Variants in PARP12 observed in about 807,000 individuals in gnomAD.
PARP12 encodes poly(ADP-ribose) polymerase family member 12, also known as protein mono-ADP-ribosyltransferase PARP12.
In PARP12, 59 loss-of-function variants were observed where a neutral mutation model predicts 72.4. The observed-to-expected ratio is 0.81, with a 90% confidence interval of 0.66 to 1.01. The LOEUF (loss-of-function observed/expected upper bound fraction) is 1.01. PARP12 is among the 50% of genes least tolerant of loss of function. PARP12 has a pLI of 0.00. For synonymous variants in PARP12, 403 were observed against 371.4 expected (o/e 1.09, Z -0.98); for missense variants, 851 against 914.0 (o/e 0.93, Z 0.89).
chr7:140,047,912 G>C (rs559958782), intron 4 of PARP12, among the ~76,000 whole-genome samples: 1 of 152,134 alleles, frequency 6.6e-6, no homozygotes, highest in Non-Finnish European at 1.5e-5. Flanking sequence ...CACCACACCT[G>C]GCAATTTTTT....
At chr7:140,033,373 T>C (rs947581467) in intron 8 of PARP12, 3 of 985,200 alleles carry the variant, frequency 3.0e-6, no homozygotes, top group Admixed American at 6.2e-5. Flanking sequence ...AAAAGAGACA[T>C]TGTTGGTTCT....
chr7:140,058,080 C>T (rs1283017609), intron 1 of PARP12, 46 bp from the exon 2 acceptor site: 5 of 1,608,064 alleles, frequency 3.1e-6, no homozygotes, highest in Non-Finnish European at 4.3e-6. Context: ...TGAGTCTCCT[C>T]AAAATTTCTA....
chr7:140,046,575 T>C (rs1265020549), intron 5 of PARP12, among the ~76,000 whole-genome samples: 1 of 152,254 alleles, frequency 6.6e-6, no homozygotes, highest in Non-Finnish European at 1.5e-5. Context: ...GAGAACTTAA[T>C]ACTTGGTCTT....
chr7:140,025,423 C>T, intron 11 of PARP12: 2 of 327,528 alleles, frequency 6.1e-6, no homozygotes, highest in South Asian at 5.1e-5. Flanking sequence ...GCCATCGCTG[C>T]CTCAGACGGA....
chr7:140,047,594 CTTCT>C (rs759116747), intron 4 of PARP12, among the ~76,000 whole-genome samples: 3 of 152,234 alleles, frequency 2.0e-5, no homozygotes, highest in South Asian at 4.2e-4. Flanking sequence ...ATACATCTTC[CTTCT>C]TTATGTCTCA....
intron 4 of PARP12, among the ~76,000 whole-genome samples, chr7:140,051,198 G>A (rs62490144): frequency 0.08 from 12,202 of 152,002 alleles, 539 homozygotes; most frequent in Non-Finnish European, 0.1. Context: ...CATGGAAAAC[G>A]GAATTAAAAG....
At chr7:140,042,617 G>A (rs938597915) in intron 5 of PARP12, among the ~76,000 whole-genome samples, 3 of 152,196 alleles carry the variant, frequency 2.0e-5, no homozygotes, top group Admixed American at 1.3e-4. Flanking sequence ...ATACCTCTGC[G>A]TAAAACCAGG....
At chr7:140,061,861 C>T (rs1040943470) in intron 1 of PARP12, among the ~76,000 whole-genome samples, 4 of 151,092 alleles carry the variant, frequency 2.6e-5, no homozygotes, top group African/African-American at 9.8e-5. Context: ...GAAAAATCCT[C>T]AAATGGGATG....
At chr7:140,060,854 G>T (rs1817415445) in intron 1 of PARP12, among the ~76,000 whole-genome samples, 1 of 152,120 alleles carries the variant, frequency 6.6e-6, no homozygotes, top group Non-Finnish European at 1.5e-5. Context: ...TCCTGGGGCT[G>T]CAACTACAAC....
chr7:140,059,658 CA>C (rs1252589332), intron 1 of PARP12, among the ~76,000 whole-genome samples: 2 of 152,204 alleles, frequency 1.3e-5, no homozygotes, highest in Non-Finnish European at 2.9e-5. Flanking sequence ...CAGAATCCCC[CA>C]GCTCAGTAAA....
At chr7:140,042,582 G>C (rs757325526) in intron 5 of PARP12, among the ~76,000 whole-genome samples, 1 of 152,198 alleles carries the variant, frequency 6.6e-6, no homozygotes, top group African/African-American at 2.4e-5. Flanking sequence ...GTCTGAGTAC[G>C]GCAGGAGGCT....
chr7:140,033,620 A>C, intron 8 of PARP12: 2 of 985,360 alleles, frequency 2.0e-6, no homozygotes, highest in Non-Finnish European at 2.4e-6. Flanking sequence ...AAATAACACC[A>C]GAGGTTGAGA....
intron 5 of PARP12, among the ~76,000 whole-genome samples, chr7:140,044,774 G>A (rs1235310758): frequency 6.6e-6 from 1 of 152,198 alleles, no homozygotes; most frequent in African/African-American, 2.4e-5. Flanking sequence ...TTTCAAGAAT[G>A]AGAAGGGAAT....
In PARP12 at chr7:140,024,442, T is replaced by C. The variant is rs1815643440; in HGVS notation, c.*118A>G. 9.1e-7 allele frequency: 1 copy of C among 1,094,626 alleles called. No homozygotes were observed. The highest frequency in any genetic ancestry group is 1.6e-5 in the African/African-American group (1 of 63,880). 67.8% of individuals were successfully genotyped at this position (1,094,626 alleles called of 1,614,324 possible). On this transcript the variant is annotated 3_prime_UTR_variant, in exon 12 of 12. Transcript: ENST00000263549. ...CAAGAGATTAAGAACATAACTTCAT[T>C]GAGAGGTCAATGTTAAGAGAACAGT...
intron 7 of PARP12, 35 bp from the exon 8 acceptor site, chr7:140,034,366 T>G (rs1187088341): frequency 1.3e-6 from 2 of 1,488,052 alleles, no homozygotes; most frequent in African/African-American, 1.4e-5. Context: ...AAAATATACA[T>G]ATACATATAC....
Position 140,047,026 on chromosome 7 carries a change from G to A in PARP12, c.863-19C>T, listed in dbSNP as rs886396981. The A allele has an allele frequency of 3.0e-5, 48 of 1,604,248 alleles. No individual in the cohort carries two copies. Among genetic ancestry groups the A allele is most frequent in the Non-Finnish European group, 4.1e-5 (48 of 1,174,916 alleles). On this transcript the variant is annotated intron_variant, in intron 4 of 11. Transcript: ENST00000263549. ...CACTTATCTGAAATAAAAACATAAA[G>A]GAGTAAGATAGCTGGGCAATACACA...
intron 8 of PARP12, chr7:140,033,264 T>C: frequency 2.0e-6 from 2 of 985,462 alleles, no homozygotes. Context: ...TAGGTCTGAC[T>C]CACAAGGCAG....
intron 7 of PARP12, among the ~76,000 whole-genome samples, chr7:140,037,099 G>T (rs1816233408): frequency 6.6e-6 from 1 of 152,230 alleles, no homozygotes; most frequent in African/African-American, 2.4e-5. Flanking sequence ...AAGGTGGGTA[G>T]AACGCTTGAG....
chr7:140,041,723 G>C lies in PARP12; in HGVS notation c.1103C>G (p.Pro368Arg). ...GTCAGTGGTGAGGATGAAGTGTGGA[G>C]GTTTGGTGACAGAGGAGGCCGTGGA... ...RLSTASSVTK[P>R]PHFILTTDWI... The change falls in exon 6 of 12, where the codon CCT (proline) becomes CGT (arginine). Residue 368 changes from proline to arginine, a missense_variant. Pro to Arg is a moderately radical substitution (Grantham distance 103). Around this residue, in one of 3 missense-constraint regions of PARP12, gnomAD observed 492 missense variants for 489.3 expected, o/e 1.01. Transcript: ENST00000263549. The C allele has an allele frequency of 6.2e-7, 1 of 1,614,210 alleles. No individual in the cohort carries two copies. The highest frequency in any genetic ancestry group is 8.5e-7 in the Non-Finnish European group (1 of 1,180,036).
Sources: allele counts gnomAD v4.1 joint callset (sites outside exome capture counted in the v4.1 genomes callset), GRCh38; gene constraint gnomAD v4.1.1; regional missense constraint gnomAD v4.1.1; transcripts MANE v1.5; gene names NCBI Gene and HGNC (gene_info 2026-07-23, HGNC 2026-07-21).